TM2D3: variants seen among roughly 807,000 people sequenced by gnomAD.
TM2D3 encodes the protein TM2 domain containing 3, also known as TM2 domain-containing protein 3.
TM2D3 carries 33 observed loss-of-function variants against 27.3 expected under a neutral mutation model. The observed-to-expected ratio is 1.21, with a 90% CI of 0.92 to 1.61. The LOEUF (loss-of-function observed/expected upper bound fraction) is 1.61, where lower values mean the gene tolerates loss of function less well. Among genes scored for constraint, TM2D3 ranks in the 40% most tolerant of loss-of-function variants. TM2D3 has a pLI of 0.00. For synonymous variants in TM2D3, 138 were observed against 122.2 expected, an observed-to-expected ratio of 1.13 and a Z score of -0.85; for missense variants, 364 against 320.8, an observed-to-expected ratio of 1.13 and a Z score of -1.03.
chr15:101,642,401 ATCAC>A lies in TM2D3; in HGVS notation c.*74_*77del. 1 of 1,434,272 alleles carries A rather than the reference ATCAC, an allele frequency of 7.0e-7. No individual in the cohort carries two copies. The highest frequency in any genetic ancestry group is 9.2e-7 in the Non-Finnish European group (1 of 1,087,662). 88.8% of individuals were successfully genotyped at this position (1,434,272 alleles called of 1,614,324 possible). A position where few individuals can be genotyped will look rare whatever the true frequency, so the allele number is the denominator to read the frequency against. On this transcript the variant is annotated 3_prime_UTR_variant, in exon 6 of 6. Transcript: ENST00000333202. ...CTGTACATTAAAAACATAGAAATAT[ATCAC>A]TCACACCACATCAACTCCTACGGAC...
chr15:101,645,089 T>A lies in TM2D3; in HGVS notation c.576A>T (p.Leu192=). ...CACTTACGAGTAACAAGGCTTACCT[T>A]AGAGCCAGAGCCGTAGACCACTTAT... ...GGYKWSTALA[L]SITLGGFGAD... The change falls in exon 5 of 6, where the codon CTA becomes CTT. Residue 192 remains leucine (L), a splice_region_variant and synonymous_variant. Transcript: ENST00000333202. 6.2e-7 allele frequency: 1 copy of A among 1,613,256 alleles called. No individual in the cohort carries two copies. Among genetic ancestry groups the A allele is most frequent in the Middle Eastern group, 1.7e-4 (1 of 6,060 alleles).
chr15:101,637,387 G>A (rs1324740379), downstream of TM2D3, among the ~76,000 whole-genome samples: 3 of 152,180 alleles, frequency 2.0e-5, no homozygotes, highest in African/African-American at 7.2e-5. Context: ...GACCTGAAAG[G>A]GAAGGGGATT....
At chr15:101,649,830 T>TA (rs1412336266) in intron 3 of TM2D3, among the ~76,000 whole-genome samples, 174 bp downstream of exon 3, 3 of 152,232 alleles carry the variant, frequency 2.0e-5, no homozygotes, top group African/African-American at 7.2e-5. Flanking sequence ...AGTGAGCTGA[T>TA]ATGGAAAGGT....
At position 101,649,984 on chromosome 15, in the gene TM2D3, A is replaced by T; in HGVS notation, c.327+20T>A. 6.2e-7 allele frequency: 1 copy of T among 1,603,836 alleles called. No individual in the cohort carries two copies. Among genetic ancestry groups the T allele is most frequent in the Non-Finnish European group, 8.5e-7 (1 of 1,175,720 alleles). On this transcript the variant is annotated intron_variant, in intron 3 of 5. Coordinates refer to ENST00000333202, the MANE Select transcript of TM2D3 (RefSeq NM_078474.3). ...AGTTTACAATGAATTTATTTAGAAT[A>T]AGTAAGCTGCAGTACTTACAACACA...
chr15:101,644,226 C>A (rs1283003863), intron 5 of TM2D3, among the ~76,000 whole-genome samples: 1 of 152,168 alleles, frequency 6.6e-6, no homozygotes, highest in Non-Finnish European at 1.5e-5. Context: ...CAGGCAAGAT[C>A]CTTCTTTCCT....
downstream of TM2D3, chr15:101,636,863 A>G: frequency 2.5e-6 from 1 of 401,616 alleles, no homozygotes; most frequent in Non-Finnish European, 5.0e-6. Context: ...TATTTTTTAG[A>G]GACAGTGTCT....
chr15:101,639,325 C>A (rs1298315815), downstream of TM2D3, among the ~76,000 whole-genome samples: 1 of 151,638 alleles, frequency 6.6e-6, no homozygotes, highest in African/African-American at 2.4e-5. Context: ...AAGGGCAGAA[C>A]AGAGGGGAAG....
downstream of TM2D3, among the ~76,000 whole-genome samples, chr15:101,638,080 A>G (rs1313402865): frequency 6.6e-6 from 1 of 152,054 alleles, no homozygotes; most frequent in Admixed American, 6.5e-5. Flanking sequence ...GAATGATGCA[A>G]TGACCCCTGG....
intron 3 of TM2D3, among the ~76,000 whole-genome samples, chr15:101,647,161 G>A (rs1303757386): frequency 6.6e-6 from 1 of 152,108 alleles, no homozygotes; most frequent in Non-Finnish European, 1.5e-5. Context: ...AATAGCAAAG[G>A]TTATTTCAGG....
Position 101,642,645 on chromosome 15 carries a change from C to T in TM2D3, c.579-1G>A. Reference sequence around the variant, plus strand: ...TGCTCCAAACCCACCGAGGGTGATGCTGCGATGGCAAACAGACAGGATTCC... The same window carrying T: ...TGCTCCAAACCCACCGAGGGTGATGTTGCGATGGCAAACAGACAGGATTCC... On this transcript the variant is annotated splice_acceptor_variant, in intron 5 of 5. Coordinates refer to ENST00000333202, the MANE Select transcript of TM2D3 (RefSeq NM_078474.3). LOFTEE classifies it high-confidence loss of function. 6.3e-7 allele frequency: 1 copy of T among 1,592,544 alleles called. No individual in the cohort carries two copies. The highest frequency in any genetic ancestry group is 8.6e-7 in the Non-Finnish European group (1 of 1,167,648).
At chr15:101,635,359 GA>G (rs570389795) in intron 4 of TM2D3, 1 of 152,184 alleles carries the variant, frequency 6.6e-6, no homozygotes, top group African/African-American at 2.4e-5. Flanking sequence ...AAACTAGGGA[GA>G]AAAAAGGAAT....
chr15:101,652,139 C>T, intron 1 of TM2D3, 132 bp downstream of exon 1: 1 of 882,394 alleles, frequency 1.1e-6, no homozygotes, highest in African/African-American at 1.8e-5. Flanking sequence ...GATGCAGCGA[C>T]AAGCGGCCCG....
downstream of TM2D3, among the ~76,000 whole-genome samples, chr15:101,638,824 G>C (rs1464125458): frequency 6.6e-6 from 1 of 152,104 alleles, no homozygotes; most frequent in Non-Finnish European, 1.5e-5. Context: ...TTAAGTATTT[G>C]AGAAGGGAGA....
At chr15:101,649,450 T>C (rs1896910773) in intron 3 of TM2D3, among the ~76,000 whole-genome samples, 1 of 152,152 alleles carries the variant, frequency 6.6e-6, no homozygotes, top group South Asian at 2.1e-4. Context: ...GTGTTTTCTG[T>C]GGTACTTCAG....
rs708394 is a variant in TM2D3 at position 101,641,980 on chromosome 15, A to G, written c.*499T>C. The G allele has an allele frequency of 0.21, 210,477 of 985,380 alleles. 23,416 individuals carry two copies. Among genetic ancestry groups the G allele is most frequent in the Non-Finnish European group, 0.23 (188,152 of 829,792 alleles). 61.0% of individuals were successfully genotyped at this position (985,380 alleles called of 1,614,324 possible). A position where few individuals can be genotyped will look rare whatever the true frequency, so the allele number is the denominator to read the frequency against. ...TTTTCATATATACAGACCAGACTAC[A>G]TATGTATTACACTGCAAAACTTACA... On this transcript the variant is annotated 3_prime_UTR_variant, in exon 6 of 6. Transcript: ENST00000333202.
chr15:101,640,789 TCCAAGGGCTATGC>T (rs1896648646), downstream of TM2D3, among the ~76,000 whole-genome samples: 1 of 152,248 alleles, frequency 6.6e-6, no homozygotes, highest in South Asian at 2.1e-4. Flanking sequence ...TCCTTCAGGT[TCCAAGGGCTATGC>T]CCTTGTGCAA....
At chr15:101,643,494 C>G (rs957498294) in intron 5 of TM2D3, among the ~76,000 whole-genome samples, 1 of 148,616 alleles carries the variant, frequency 6.7e-6, no homozygotes, top group Non-Finnish European at 1.5e-5. Context: ...CCCAGCTGCT[C>G]GGGAGGCTGA....
chr15:101,639,919 A>G (rs189679658), downstream of TM2D3, among the ~76,000 whole-genome samples: 34 of 152,332 alleles, frequency 2.2e-4, no homozygotes, highest in East Asian at 7.7e-4. Flanking sequence ...GGGGGTAGAC[A>G]TAAATAACCC....
chr15:101,651,319 C>T (rs1002636313), intron 2 of TM2D3: 1 of 184,216 alleles, frequency 5.4e-6, no homozygotes, highest in African/African-American at 2.4e-5. Flanking sequence ...GTAATCCTTC[C>T]ATTTCCACAG....
Sources: allele counts gnomAD v4.1 joint callset (sites outside exome capture counted in the v4.1 genomes callset), GRCh38; gene constraint gnomAD v4.1.1; transcripts MANE v1.5; gene names NCBI Gene and HGNC (gene_info 2026-07-23, HGNC 2026-07-21).